Variants in RAD51B observed in about 807,000 individuals in gnomAD.
RAD51B encodes DNA repair protein RAD51 homolog 2.
A neutral mutation model predicts 42.2 loss-of-function variants in RAD51B; 38 were observed. That is an observed-to-expected ratio of 0.90 (90% confidence interval 0.70 to 1.18). The LOEUF is 1.18. RAD51B is among the 50% of genes most tolerant of loss of function. RAD51B has a pLI of 0.00. For synonymous variants in RAD51B, 154 were observed against 145.2 expected (o/e 1.06, Z -0.43); for missense variants, 373 against 400.7 (o/e 0.93, Z 0.59).
At chr14:68,107,178 A>G (rs751711524) in intron 7 of RAD51B, among the ~76,000 whole-genome samples, 3 of 151,870 alleles carry the variant, frequency 2.0e-5, no homozygotes, top group Non-Finnish European at 4.4e-5. Context: ...TGTGAAGTCT[A>G]TAAACAATTA....
At chr14:67,958,028 A>G (rs576568550) in intron 7 of RAD51B, among the ~76,000 whole-genome samples, 1 of 152,332 alleles carries the variant, frequency 6.6e-6, no homozygotes, top group Admixed American at 6.5e-5. Context: ...CACATAATAA[A>G]TCTCTCACAT....
At chr14:68,501,711 C>G (rs1361642545) in intron 10 of RAD51B, among the ~76,000 whole-genome samples, 1 of 152,270 alleles carries the variant, frequency 6.6e-6, no homozygotes, top group Non-Finnish European at 1.5e-5. Context: ...TGCCCAAGCT[C>G]AGCTGGCCCG....
intron 7 of RAD51B, among the ~76,000 whole-genome samples, chr14:68,288,316 A>G (rs2081451673): frequency 6.6e-6 from 1 of 152,242 alleles, no homozygotes; most frequent in South Asian, 2.1e-4. Context: ...ACAACAATTC[A>G]GTAAGATGGC....
chr14:67,868,604 T>G, intron 5 of RAD51B, among the ~76,000 whole-genome samples: 1 of 152,238 alleles, frequency 6.6e-6, no homozygotes, highest in South Asian at 2.1e-4. Context: ...GAGGCCTGCC[T>G]GCCTCTGTAG....
At chr14:68,533,228 CCATATA>C (rs1043206812) in intron 10 of RAD51B, among the ~76,000 whole-genome samples, 7 of 152,092 alleles carry the variant, frequency 4.6e-5, no homozygotes, top group Admixed American at 1.3e-4. Context: ...AATACAACAT[CCATATA>C]CAAAAGTCAA....
At chr14:68,676,935 C>T (rs1015653812) in intron 11 of RAD51B, among the ~76,000 whole-genome samples, 1 of 152,128 alleles carries the variant, frequency 6.6e-6, no homozygotes, top group Non-Finnish European at 1.5e-5. Context: ...CTAGGCTGGG[C>T]GGGGGGCCTG....
chr14:68,536,585 G>A (rs1887632476), intron 10 of RAD51B, among the ~76,000 whole-genome samples: 1 of 152,152 alleles, frequency 6.6e-6, no homozygotes, highest in Admixed American at 6.5e-5. Flanking sequence ...TCACATAAAT[G>A]TTTCCTGGTA....
chr14:68,608,884 C>T (rs753637917), intron 10 of RAD51B, among the ~76,000 whole-genome samples: 4 of 152,160 alleles, frequency 2.6e-5, no homozygotes, highest in African/African-American at 4.8e-5. Context: ...GCTCTGCAGC[C>T]GGCCCAGATA....
chr14:68,628,791 T>C (rs182704690), intron 10 of RAD51B, among the ~76,000 whole-genome samples: 18 of 152,102 alleles, frequency 1.2e-4, no homozygotes, highest in African/African-American at 4.3e-4. Flanking sequence ...GTACAGCCCG[T>C]TTCCAAACCA....
At chr14:68,372,186 A>G (rs763087216) in intron 8 of RAD51B, among the ~76,000 whole-genome samples, 2 of 152,190 alleles carry the variant, frequency 1.3e-5, no homozygotes, top group Non-Finnish European at 2.9e-5. Context: ...GATTTGGCAG[A>G]TACAATCAAT....
chr14:68,235,728 A>T (rs1293231221), intron 7 of RAD51B, among the ~76,000 whole-genome samples: 1 of 148,724 alleles, frequency 6.7e-6, no homozygotes, highest in East Asian at 1.9e-4. Context: ...AAAAAAAAAA[A>T]AAAAGAGCTG....
intron 7 of RAD51B, among the ~76,000 whole-genome samples, chr14:68,172,990 A>G (rs961328660): frequency 1.3e-5 from 2 of 152,222 alleles, no homozygotes; most frequent in African/African-American, 4.8e-5. Context: ...TGATGTGGCT[A>G]ATTATACAGC....
chr14:67,989,635 CAAAA>C (rs764608072), intron 7 of RAD51B, among the ~76,000 whole-genome samples: 4 of 66,904 alleles, frequency 6.0e-5, no homozygotes, highest in African/African-American at 2.4e-4. Flanking sequence ...AACTCTGTCT[CAAAA>C]AAAAAAAAAA....
chr14:68,087,670 C>T (rs926690080), intron 7 of RAD51B, among the ~76,000 whole-genome samples: 9 of 150,982 alleles, frequency 6.0e-5, no homozygotes, highest in Non-Finnish European at 1.5e-5. Context: ...GTCATTTACT[C>T]TCTGTAACAT....
intron 10 of RAD51B, among the ~76,000 whole-genome samples, chr14:68,536,291 T>G (rs1377551150): frequency 6.6e-6 from 1 of 152,178 alleles, no homozygotes; most frequent in Non-Finnish European, 1.5e-5. Flanking sequence ...AAAAGGAAAT[T>G]AGATTGTTAT....
intron 10 of RAD51B, among the ~76,000 whole-genome samples, chr14:68,577,822 A>G (rs1290998): frequency 1 from 152,272 of 152,356 alleles, 76,094 homozygotes; most frequent in Non-Finnish European, 1. Flanking sequence ...TTAGAATCCT[A>G]CCTGCCGTGG....
chr14:67,945,628 G>A (rs1416743717), intron 7 of RAD51B, among the ~76,000 whole-genome samples: 3 of 152,006 alleles, frequency 2.0e-5, no homozygotes, highest in East Asian at 1.9e-4. Context: ...ACGCCACCAC[G>A]CCCAGCTAAT....
chr14:68,089,048 A>G (rs955596854), intron 7 of RAD51B, among the ~76,000 whole-genome samples: 1 of 152,174 alleles, frequency 6.6e-6, no homozygotes, highest in Non-Finnish European at 1.5e-5. Context: ...TCTGCTTTTC[A>G]TGAACTTTTA....
chr14:68,012,361 A>G (rs1024015884), intron 7 of RAD51B, among the ~76,000 whole-genome samples: 2 of 152,102 alleles, frequency 1.3e-5, no homozygotes, highest in African/African-American at 4.8e-5. Flanking sequence ...ACAGCGTGTT[A>G]TTGTAGCACT....
Sources: gnomAD v4.1 joint callset for allele counts (sites outside exome capture counted in the v4.1 genomes callset) on GRCh38, gnomAD v4.1.1 for gene constraint, MANE v1.5 for transcripts, NCBI Gene and HGNC (gene_info 2026-07-23, HGNC 2026-07-21) for gene names.